FGFR2: variants seen among roughly 807,000 people sequenced by gnomAD.
FGFR2 encodes BEK fibroblast growth factor receptor.
Under a neutral mutation model 95.9 loss-of-function variants are expected in FGFR2, and 19 were observed. The ratio of observed to expected loss-of-function variants is 0.20; its 90% confidence interval spans 0.14 to 0.29. The LOEUF (loss-of-function observed/expected upper bound fraction) is 0.29, where lower values mean the gene tolerates loss of function less well. Ranked by LOEUF, FGFR2 falls within the 10% of genes least tolerant of loss-of-function variation. The pLI, the probability that FGFR2 is intolerant of heterozygous loss-of-function variation, is 1.00. For missense variants in FGFR2, 707 were observed against 1,056.9 expected, an observed-to-expected ratio of 0.67 and a Z score of 4.59; for synonymous variants, 392 against 393.3, an observed-to-expected ratio of 1.00 and a Z score of 0.04.
chr10:121,546,727 G>A (rs531197129), intron 5 of FGFR2, among the ~76,000 whole-genome samples: 22 of 152,198 alleles, frequency 1.4e-4, no homozygotes, highest in South Asian at 2.1e-4. Context: ...GATGGCTGCC[G>A]AGGTGCCCAA....
In FGFR2 at chr10:121,518,927, A is replaced by G. The variant is rs1850102729; in HGVS notation, c.939+1052T>C. On this transcript the variant is annotated intron_variant, in intron 7 of 17. Coordinates refer to ENST00000358487, the MANE Select transcript of FGFR2 (RefSeq NM_000141.5). The surrounding 1 kb of genome is among the most constrained non-coding windows in gnomAD (Gnocchi z 4.0). ...AACACACCGCAAGAAAACAAACTCC[A>G]TTACGTCTAAACAGCGGCATTAAAG... is the stretch of plus-strand genomic sequence containing the variant. 6.9e-7 allele frequency: 1 copy of G among 1,447,454 alleles called. No homozygotes were observed. Among genetic ancestry groups the G allele is most frequent in the African/African-American group, 1.4e-5 (1 of 71,556 alleles). 89.7% of individuals were successfully genotyped at this position (1,447,454 alleles called of 1,614,324 possible).
chr10:121,504,767 T>C (rs1433081591), intron 9 of FGFR2, among the ~76,000 whole-genome samples: 1 of 152,232 alleles, frequency 6.6e-6, no homozygotes, highest in East Asian at 1.9e-4. Flanking sequence ...CTGATCCATT[T>C]CAGTGTGTCT....
intron 6 of FGFR2, among the ~76,000 whole-genome samples, chr10:121,528,355 A>G (rs1851658263): frequency 6.6e-6 from 1 of 152,180 alleles, no homozygotes; most frequent in Admixed American, 6.5e-5. Flanking sequence ...ATATTGTTTA[A>G]TATGATTAAA....
chr10:121,543,938 G>C (rs192821416), intron 5 of FGFR2, among the ~76,000 whole-genome samples: 8 of 152,180 alleles, frequency 5.3e-5, no homozygotes, highest in South Asian at 2.1e-4. Context: ...ACCGCCTGTT[G>C]AACTTAGCTC....
chr10:121,585,954 G>C (rs1044908668), intron 2 of FGFR2, among the ~76,000 whole-genome samples: 6 of 152,170 alleles, frequency 3.9e-5, no homozygotes, highest in African/African-American at 1.2e-4. Flanking sequence ...CTGAAAATCT[G>C]AACTTTAAGG....
At chr10:121,515,084 G>C (rs532760529) in intron 9 of FGFR2, 33 bp downstream of exon 9, 1 of 1,600,966 alleles carries the variant, frequency 6.2e-7, no homozygotes, top group Non-Finnish European at 8.6e-7. Context: ...CATGGGGGAG[G>C]AGTAAATTTC....
chr10:121,533,604 C>T (rs1852384551), intron 6 of FGFR2, among the ~76,000 whole-genome samples: 1 of 152,200 alleles, frequency 6.6e-6, no homozygotes, highest in Non-Finnish European at 1.5e-5. Flanking sequence ...GGAAGAGCAA[C>T]TAGTCTTTTA....
At chr10:121,548,273 T>TTTTTTTTG in intron 5 of FGFR2, among the ~76,000 whole-genome samples, 1 of 130,020 alleles carries the variant, frequency 7.7e-6, no homozygotes, top group Non-Finnish European at 1.5e-5. Context: ...TTTTTTTTTT[T>TTTTTTTTG]TTTTTTGGTA....
intron 2 of FGFR2, among the ~76,000 whole-genome samples, chr10:121,578,699 C>A (rs1860332610): frequency 6.6e-6 from 1 of 152,244 alleles, no homozygotes; most frequent in Admixed American, 6.5e-5. Context: ...CACTTGAGGC[C>A]AGGAGGTAGA....
At chr10:121,583,049 C>A (rs1265714791) in intron 2 of FGFR2, among the ~76,000 whole-genome samples, 4 of 152,098 alleles carry the variant, frequency 2.6e-5, no homozygotes, top group Non-Finnish European at 1.5e-5. Flanking sequence ...CTAAGGACAC[C>A]CTTTCTGGCC....
chr10:121,508,504 TG>T (rs1848612247), intron 9 of FGFR2, among the ~76,000 whole-genome samples: 1 of 152,052 alleles, frequency 6.6e-6, no homozygotes, highest in Non-Finnish European at 1.5e-5. Flanking sequence ...CACAAACCCC[TG>T]GCAAAAGTTC....
intron 6 of FGFR2, among the ~76,000 whole-genome samples, chr10:121,524,136 A>C (rs1850973859): frequency 7.4e-6 from 1 of 134,292 alleles, no homozygotes; most frequent in South Asian, 2.4e-4. Context: ...ACACACACAC[A>C]CACACACACA....
intron 4 of FGFR2, among the ~76,000 whole-genome samples, chr10:121,559,029 A>C (rs1856574443): frequency 6.6e-6 from 1 of 151,870 alleles, no homozygotes; most frequent in African/African-American, 2.4e-5. Context: ...AATCTAGCAA[A>C]TCAGCAGAGG....
At chr10:121,565,814 T>A (rs889297902) in intron 2 of FGFR2, 110 bp from the exon 3 acceptor site, 2 of 1,381,348 alleles carry the variant, frequency 1.4e-6, no homozygotes, top group African/African-American at 2.9e-5. Flanking sequence ...AAGCTGTTCT[T>A]GCTCTGCAAA....
At chr10:121,557,546 G>A (rs567745075) in intron 4 of FGFR2, among the ~76,000 whole-genome samples, 3 of 152,192 alleles carry the variant, frequency 2.0e-5, no homozygotes, top group South Asian at 4.2e-4. Context: ...GGGTATACAC[G>A]ATCCTCCTGC....
chr10:121,481,591 T>C (rs1249790826), intron 17 of FGFR2, among the ~76,000 whole-genome samples: 3 of 152,076 alleles, frequency 2.0e-5, no homozygotes, highest in African/African-American at 7.2e-5. Context: ...AAAAACGAAA[T>C]TTTGTCCTAA....
At chr10:121,492,451 G>A (rs572051948) in intron 13 of FGFR2, among the ~76,000 whole-genome samples, 1 of 152,194 alleles carries the variant, frequency 6.6e-6, no homozygotes, top group African/African-American at 2.4e-5. Flanking sequence ...AGCTGCTGGA[G>A]GCCAGGCACT....
intron 4 of FGFR2, chr10:121,564,264 A>G (rs1184273611): frequency 1.8e-6 from 1 of 571,016 alleles, no homozygotes; most frequent in Non-Finnish European, 3.1e-6. Context: ...AAAAGTAGTA[A>G]CTGCTTTGAA....
intron 8 of FGFR2, among the ~76,000 whole-genome samples, chr10:121,516,648 T>C (rs1003041908): frequency 6.6e-6 from 1 of 152,176 alleles, no homozygotes; most frequent in East Asian, 1.9e-4. Flanking sequence ...AGAATAGAGA[T>C]GTCGGTTAAA....
Sources: gnomAD v4.1 joint callset for allele counts (sites outside exome capture counted in the v4.1 genomes callset) on GRCh38, gnomAD v4.1.1 for gene constraint, Gnocchi (gnomAD v3.1) non-coding constraint, MANE v1.5 for transcripts, NCBI Gene and HGNC (gene_info 2026-07-23, HGNC 2026-07-21) for gene names.